ZNF3: variants seen among roughly 807,000 people sequenced by gnomAD.
The protein encoded by ZNF3 is zinc finger protein 3.
Under a neutral mutation model 36.9 loss-of-function variants are expected in ZNF3, and 16 were observed. That is an observed-to-expected ratio of 0.43 (90% confidence interval 0.29 to 0.66). The LOEUF (loss-of-function observed/expected upper bound fraction) is 0.66, where lower values mean the gene tolerates loss of function less well. Ranked by LOEUF, ZNF3 falls within the 30% of genes least tolerant of loss-of-function variation. The pLI, the probability that ZNF3 is intolerant of heterozygous loss-of-function variation, is 0.13. For synonymous variants in ZNF3, 201 were observed against 201.9 expected, an observed-to-expected ratio of 1.00 and a Z score of 0.04; for missense variants, 462 against 543.1, an observed-to-expected ratio of 0.85 and a Z score of 1.48.
chr7:100,075,826 G>A (rs140244009), intron 3 of ZNF3, among the ~76,000 whole-genome samples, 196 bp from the exon 4 acceptor site: 1 of 152,126 alleles, frequency 6.6e-6, no homozygotes, highest in Non-Finnish European at 1.5e-5. Context: ...AGTCCATCCT[G>A]CCTGAGCAGA....
chr7:100,068,158 C>T (rs1408001674), downstream of ZNF3, among the ~76,000 whole-genome samples: 1 of 152,108 alleles, frequency 6.6e-6, no homozygotes, highest in Non-Finnish European at 1.5e-5. Context: ...ATTATCTCAG[C>T]TCACTGCAAC....
chr7:100,076,731 G>A (rs563047744), intron 3 of ZNF3, among the ~76,000 whole-genome samples: 17 of 152,246 alleles, frequency 1.1e-4, no homozygotes, highest in African/African-American at 3.6e-4. Context: ...TAGAATGCCC[G>A]AGAAATGGAA....
At chr7:100,082,168 G>GTT (rs551030648), upstream of ZNF3, 1 of 152,130 alleles carries the variant, frequency 6.6e-6, no homozygotes, top group African/African-American at 2.4e-5. Context: ...AACAAACCGA[G>GTT]TTTTTTTTGT....
downstream of ZNF3, among the ~76,000 whole-genome samples, chr7:100,066,550 G>A (rs543054809): frequency 6.6e-6 from 1 of 151,080 alleles, no homozygotes; most frequent in Admixed American, 6.6e-5. Flanking sequence ...CTAACAAGGT[G>A]AAACCCCATC....
At chr7:100,064,032 T>G, downstream of ZNF3, 3 of 1,614,146 alleles carry the variant, frequency 1.9e-6, no homozygotes, top group Non-Finnish European at 1.7e-6. Context: ...GTTATATATG[T>G]GCTGAATGTG....
Position 100,071,641 on chromosome 7 carries a change from C to G in ZNF3, c.843G>C (p.Glu281Asp). 1 of 1,613,568 alleles carries G rather than the reference C, an allele frequency of 6.2e-7. No individual in the cohort carries two copies. The highest frequency in any genetic ancestry group is 8.5e-7 in the Non-Finnish European group (1 of 1,179,836). Residue 281 changes from glutamate (E) to aspartate (D), a missense_variant, in exon 6 of 6, where the codon GAG becomes GAC. Glu to Asp is a conservative substitution (Grantham distance 45). Transcript: ENST00000299667. ...CACACTCATTACATTCATAGGGTTT[C>G]TCCCCCGTGTGGATCCTCCGATGCA... ...LILHRRIHTG[E>D]KPYECNECGK... is the part of the protein sequence containing the mutation.
At chr7:100,078,304 G>C (rs1380930120) in intron 2 of ZNF3, among the ~76,000 whole-genome samples, 1 of 151,618 alleles carries the variant, frequency 6.6e-6, no homozygotes, top group Non-Finnish European at 1.5e-5. Context: ...AGACCAGCCT[G>C]GCCAGGATGA....
chr7:100,063,867 A>G (rs777469450), downstream of ZNF3: 1 of 1,614,132 alleles, frequency 6.2e-7, no homozygotes, highest in South Asian at 1.1e-5. Context: ...AAGGGGATAT[A>G]ATTTCTGTGA....
intron 3 of ZNF3, among the ~76,000 whole-genome samples, chr7:100,076,055 C>T (rs868183309): frequency 6.7e-6 from 1 of 150,134 alleles, no homozygotes; most frequent in Non-Finnish European, 1.5e-5. Context: ...CCAGGCTGGT[C>T]TCAAACTCCT....
chr7:100,071,172 T>C lies in ZNF3; in HGVS notation c.1312A>G (p.Thr438Ala), dbSNP rs1414897251. ...GMSKSSLRVT[T>A]ELNIREST ...GTGGACTCTCTGATATTTAACTCGG[T>C]CGTAACTCTGAGGGAGCTTTTGCTC... The change falls in exon 6 of 6, where the codon ACC (threonine) becomes GCC (alanine). Residue 438 changes from threonine (T) to alanine (A), a missense_variant. By Grantham distance (58) the Thr-to-Ala change is moderately conservative (BLOSUM62 0). Coordinates refer to ENST00000299667, the MANE Select transcript of ZNF3 (RefSeq NM_032924.5). 4.4e-6 allele frequency: 7 copies of C among 1,604,212 alleles called. No individual in the cohort carries two copies. Among genetic ancestry groups the C allele is most frequent in the Non-Finnish European group, 5.1e-6 (6 of 1,174,640 alleles).
intron 5 of ZNF3, among the ~76,000 whole-genome samples, chr7:100,073,506 C>T (rs941827871): frequency 6.6e-6 from 1 of 151,808 alleles, no homozygotes; most frequent in Non-Finnish European, 1.5e-5. Context: ...ATGCCACCAC[C>T]CCCAGCTAAT....
intron 4 of ZNF3, 125 bp downstream of exon 4, chr7:100,075,417 G>A: frequency 6.6e-7 from 1 of 1,505,054 alleles, no homozygotes; most frequent in Non-Finnish European, 9.2e-7. Flanking sequence ...GATAGAAGGT[G>A]AGGGTCCATG....
In ZNF3 at chr7:100,075,039, T is replaced by C; in HGVS notation, c.271+96A>G. 2.0e-6 allele frequency: 3 copies of C among 1,472,014 alleles called. 1 individual carries two copies. The South Asian group carries it at 4.1e-5, about 20-fold the overall frequency. 91.2% of individuals were successfully genotyped at this position (1,472,014 alleles called of 1,614,324 possible). A position where few individuals can be genotyped will look rare whatever the true frequency, so the allele number is the denominator to read the frequency against. The stretch of plus-strand genomic sequence containing the variant: ...GCCATTGCACCTCAAAAAAAAAATC[T>C]GCTGAAACAGCTCTTTTCAGTGACT... On this transcript the variant is annotated intron_variant, in intron 5 of 5. Transcript: ENST00000299667.
exon 6 of ZNF3, chr7:100,064,044 C>A (rs1337283070): frequency 1.2e-6 from 2 of 1,614,114 alleles, no homozygotes; most frequent in Non-Finnish European, 1.7e-6. Context: ...CTGAATGTGG[C>A]AAAGCCTTTA....
In ZNF3 at chr7:100,072,104, T is replaced by G; in HGVS notation, c.380A>C (p.Lys127Thr). The change falls in exon 6 of 6, where the codon AAA becomes ACA. Residue 127 changes from lysine to threonine, a missense_variant. Lys to Thr is a moderately conservative substitution (Grantham distance 78). Transcript: ENST00000299667. ...QKDISQGLKF[K>T]EAYEREVSLK... ...ACTGACTTCTCGTTCATAGGCTTCT[T>G]TAAACTTGAGACCCTGAGAAATATC... 1 of 1,614,214 alleles carries G rather than the reference T, an allele frequency of 6.2e-7. No homozygotes were observed. Among genetic ancestry groups the G allele is most frequent in the South Asian group, 1.1e-5 (1 of 91,088 alleles).
Position 100,072,195 on chromosome 7 carries a change from C to T in ZNF3, c.289G>A (p.Glu97Lys), listed in dbSNP as rs1395471902. 1 of 1,587,416 alleles carries T rather than the reference C, an allele frequency of 6.3e-7. No individual in the cohort carries two copies. The highest frequency in any genetic ancestry group is 8.5e-7 in the Non-Finnish European group (1 of 1,171,536). ...VFSLDRETRTENDQEISEDTR... is the reference protein window; with the variant it reads ...VFSLDRETRTKNDQEISEDTR... Reference sequence around the variant, plus strand: ...TCTTCAGAAATTTCTTGATCATTTTCAGTCCTGGTCTCACGATCTGACACA... The same window carrying T: ...TCTTCAGAAATTTCTTGATCATTTTTAGTCCTGGTCTCACGATCTGACACA... The change falls in exon 6 of 6, where the codon GAA (glutamate) becomes AAA (lysine). Residue 97 changes from glutamate to lysine, a missense_variant. Coordinates refer to ENST00000299667, the MANE Select transcript of ZNF3 (RefSeq NM_032924.5).
downstream of ZNF3, chr7:100,065,185 T>A (rs1307294526): frequency 6.8e-6 from 3 of 438,712 alleles, no homozygotes; most frequent in Non-Finnish European, 1.2e-5. Flanking sequence ...CCCAGCACCT[T>A]GGAAGCCTGA....
At chr7:100,064,457 G>A (rs751776331) in exon 6 of ZNF3, 20 of 1,613,944 alleles carry the variant, frequency 1.2e-5, no homozygotes, top group Non-Finnish European at 1.5e-5. Flanking sequence ...TGTAAGGAGT[G>A]TGGGAAAGCC....
In ZNF3 at chr7:100,075,204, A is replaced by G. The variant is rs766736577; in HGVS notation, c.202T>C (p.Leu68=). The G allele has an allele frequency of 6.2e-7, 1 of 1,614,188 alleles. No individual in the cohort carries two copies. Residue 68 remains leucine, a synonymous_variant, in exon 5 of 6, where the codon TTG becomes CTG. Transcript: ENST00000299667. ...VYFIRKEWKR[L]EPAQRDLYRD... is the part of the protein sequence containing the mutation. ...TAGAGGTCCCTCTGAGCAGGTTCCA[A>G]ACGCTTCCACTCCTTCCGGATGAAG...
Sources: allele counts gnomAD v4.1 joint callset (sites outside exome capture counted in the v4.1 genomes callset), GRCh38; gene constraint gnomAD v4.1.1; transcripts MANE v1.5; gene names NCBI Gene and HGNC (gene_info 2026-07-23, HGNC 2026-07-21).